ABCA13: variants seen among roughly 807,000 people sequenced by gnomAD.
ABCA13 encodes ATP-binding cassette sub-family A member 13.
ABCA13 carries 476 observed loss-of-function variants against 478.7 expected under a neutral mutation model. That is an observed-to-expected ratio of 0.99 (90% CI 0.92 to 1.07). The LOEUF (loss-of-function observed/expected upper bound fraction) is 1.07. Ranked by LOEUF, ABCA13 falls within the 50% of genes least tolerant of loss-of-function variation. The pLI is 0.00. For synonymous variants in ABCA13, 2,252 were observed against 2,158.9 expected, an observed-to-expected ratio of 1.04 and a Z score of -1.20; for missense variants, 6,060 against 5,910.6, an observed-to-expected ratio of 1.03 and a Z score of -0.83.
Position 48,310,104 on chromosome 7 carries a change from T to A in ABCA13, c.9479T>A (p.Leu3160Gln). The change falls in exon 24 of 62, where the codon CTG (leucine) becomes CAG (glutamine). Residue 3160 changes from leucine to glutamine, a missense_variant. Transcript: ENST00000435803. ...AAAGTGTATTCTCTGATTGTGTTGC[T>A]GAGTCGAAACTTGGATGTGCGAGCT... is the stretch of plus-strand genomic sequence containing the variant. ...GSKVYSLIVL[L>Q]SRNLDVRAFI... 6.2e-7 allele frequency: 1 copy of A among 1,613,450 alleles called. No homozygotes were observed. The highest frequency in any genetic ancestry group is 1.1e-5 in the South Asian group (1 of 91,048).
intron 41 of ABCA13, among the ~76,000 whole-genome samples, chr7:48,425,842 C>T (rs1821340253): frequency 6.6e-6 from 1 of 151,988 alleles, no homozygotes; most frequent in African/African-American, 2.4e-5. Flanking sequence ...CTGGGGTTCA[C>T]GCCATTCTCC....
At chr7:48,271,762 T>G (rs1373347592) in intron 16 of ABCA13, 25 bp from the exon 17 acceptor site, 1 of 1,241,240 alleles carries the variant, frequency 8.1e-7, no homozygotes, top group Non-Finnish European at 1.0e-6. Context: ...TATTTTATAC[T>G]AAAATAATTC....
chr7:48,379,725 T>C (rs1814057602), intron 35 of ABCA13, among the ~76,000 whole-genome samples: 1 of 152,138 alleles, frequency 6.6e-6, no homozygotes. Flanking sequence ...TGGTATGTGA[T>C]TATAAAGATG....
At chr7:48,310,551 G>A (rs544626514) in intron 24 of ABCA13, among the ~76,000 whole-genome samples, 3 of 152,138 alleles carry the variant, frequency 2.0e-5, no homozygotes, top group African/African-American at 7.2e-5. Flanking sequence ...TGAGCGGCCC[G>A]AGTTAGGTGC....
chr7:48,554,228 C>T (rs1203321036), intron 55 of ABCA13, among the ~76,000 whole-genome samples: 3 of 151,992 alleles, frequency 2.0e-5, no homozygotes, highest in Non-Finnish European at 4.4e-5. Context: ...GTTACTATGG[C>T]TCTGTAGTAT....
chr7:48,466,458 A>G (rs35987825), intron 43 of ABCA13, among the ~76,000 whole-genome samples: 1 of 152,228 alleles, frequency 6.6e-6, no homozygotes, highest in Non-Finnish European at 1.5e-5. Flanking sequence ...ATGTAGCTCA[A>G]TGTAGCTCAC....
chr7:48,291,850 C>T (rs1254949316), intron 20 of ABCA13, among the ~76,000 whole-genome samples: 1 of 152,160 alleles, frequency 6.6e-6, no homozygotes, highest in Non-Finnish European at 1.5e-5. Flanking sequence ...CTTCTGAGCC[C>T]GGCATTGACA....
intron 8 of ABCA13, 92 bp downstream of exon 8, chr7:48,234,243 G>T: frequency 6.4e-7 from 1 of 1,570,400 alleles, no homozygotes; most frequent in Non-Finnish European, 8.7e-7. Flanking sequence ...CGGGTGCCAC[G>T]GGAGAGGCAG....
At chr7:48,352,932 A>G (rs1584973601) in intron 31 of ABCA13, among the ~76,000 whole-genome samples, 1 of 151,972 alleles carries the variant, frequency 6.6e-6, no homozygotes, top group African/African-American at 2.4e-5. Context: ...TTGGGTACCC[A>G]TGAAGTAATA....
intron 20 of ABCA13, among the ~76,000 whole-genome samples, chr7:48,291,226 G>C (rs12531696): frequency 1.3e-5 from 2 of 152,162 alleles, no homozygotes; most frequent in South Asian, 4.1e-4. Context: ...TCTTCTGGTA[G>C]AGCAGTCAGC....
chr7:48,222,160 G>A (rs1215755614), intron 5 of ABCA13, among the ~76,000 whole-genome samples: 1 of 152,172 alleles, frequency 6.6e-6, no homozygotes, highest in Non-Finnish European at 1.5e-5. Context: ...AATGACACTA[G>A]CAAAGAGTAT....
chr7:48,301,441 G>C (rs542693448), intron 23 of ABCA13, among the ~76,000 whole-genome samples: 74 of 152,086 alleles, frequency 4.9e-4, no homozygotes, highest in Non-Finnish European at 7.9e-4. Flanking sequence ...AATACATGAA[G>C]TTTGTTTCCT....
chr7:48,342,224 A>G (rs1012232140), intron 29 of ABCA13, among the ~76,000 whole-genome samples: 8 of 152,128 alleles, frequency 5.3e-5, no homozygotes, highest in Non-Finnish European at 1.2e-4. Flanking sequence ...CTTAACATTT[A>G]TGGAGACTCA....
At chr7:48,319,130 A>T (rs990673210) in intron 27 of ABCA13, among the ~76,000 whole-genome samples, 14 of 152,148 alleles carry the variant, frequency 9.2e-5, no homozygotes, top group African/African-American at 3.4e-4. Flanking sequence ...AGCCCCTGTG[A>T]GGTGGAGACG....
At chr7:48,324,431 G>A (rs540043263) in intron 27 of ABCA13, among the ~76,000 whole-genome samples, 46 of 152,192 alleles carry the variant, frequency 3.0e-4, no homozygotes, top group South Asian at 2.9e-3. Flanking sequence ...CTGAAATATC[G>A]AGGGTTAAGA....
At chr7:48,323,005 C>T (rs1220942183) in intron 27 of ABCA13, among the ~76,000 whole-genome samples, 1 of 152,150 alleles carries the variant, frequency 6.6e-6, no homozygotes, top group Non-Finnish European at 1.5e-5. Context: ...TCACCCAGGT[C>T]ATTGTGTGTA....
intron 20 of ABCA13, among the ~76,000 whole-genome samples, chr7:48,294,967 C>T (rs1799171987): frequency 6.6e-6 from 1 of 152,096 alleles, no homozygotes; most frequent in Non-Finnish European, 1.5e-5. Flanking sequence ...AACATTTTGG[C>T]TGATTCTATA....
intron 41 of ABCA13, among the ~76,000 whole-genome samples, chr7:48,418,309 A>G (rs1820304241): frequency 6.6e-6 from 1 of 152,218 alleles, no homozygotes; most frequent in African/African-American, 2.4e-5. Flanking sequence ...ACCAGCAATG[A>G]ATGGGAGTTT....
intron 15 of ABCA13, among the ~76,000 whole-genome samples, chr7:48,260,260 T>C (rs1320705457): frequency 4.6e-5 from 7 of 152,076 alleles, no homozygotes; most frequent in Non-Finnish European, 7.4e-5. Context: ...TTTAACTGTG[T>C]TGTAATTTGA....
Sources: gnomAD v4.1 joint callset for allele counts (sites outside exome capture counted in the v4.1 genomes callset) on GRCh38, gnomAD v4.1.1 for gene constraint, MANE v1.5 for transcripts, NCBI Gene and HGNC (gene_info 2026-07-23, HGNC 2026-07-21) for gene names.